CPXM2: variants seen among roughly 807,000 people sequenced by gnomAD.
CPXM2 encodes carboxypeptidase X, M14 family member 2, also known as inactive carboxypeptidase-like protein X2.
CPXM2 carries 66 observed loss-of-function variants against 86.1 expected under a neutral mutation model. That is an observed-to-expected ratio of 0.77 (90% CI 0.63 to 0.94). The LOEUF (loss-of-function observed/expected upper bound fraction) is 0.94, where lower values mean the gene tolerates loss of function less well. Ranked by LOEUF, CPXM2 falls within the 40% of genes least tolerant of loss-of-function variation. CPXM2 has a pLI of 0.00. For missense variants in CPXM2, 948 were observed against 1,026.3 expected, an observed-to-expected ratio of 0.92 and a Z score of 1.04; for synonymous variants, 388 against 400.2, an observed-to-expected ratio of 0.97 and a Z score of 0.36.
At chr10:123,839,960 C>A (rs760838661) in intron 4 of CPXM2, among the ~76,000 whole-genome samples, 3 of 152,204 alleles carry the variant, frequency 2.0e-5, no homozygotes, top group Non-Finnish European at 4.4e-5. Flanking sequence ...ACTGTCTGAG[C>A]TGAGGAAAGA....
intron 2 of CPXM2, among the ~76,000 whole-genome samples, chr10:123,871,141 T>C (rs1944889572): frequency 6.6e-6 from 1 of 152,184 alleles, no homozygotes; most frequent in Non-Finnish European, 1.5e-5. Context: ...CTGTTCTGTC[T>C]GAAAAGCCTC....
chr10:123,876,391 C>G (rs1257119194), intron 2 of CPXM2, among the ~76,000 whole-genome samples: 2 of 152,130 alleles, frequency 1.3e-5, no homozygotes, highest in African/African-American at 2.4e-5. Flanking sequence ...AACCAAAGAA[C>G]CGTGCACGGG....
intron 2 of CPXM2, among the ~76,000 whole-genome samples, chr10:123,872,185 T>C (rs1403027563): frequency 6.6e-6 from 1 of 152,156 alleles, no homozygotes; most frequent in Non-Finnish European, 1.5e-5. Flanking sequence ...CTTATAGGTA[T>C]ACATGCAAAA....
At chr10:123,867,519 A>ATTTC (rs1424525614) in intron 2 of CPXM2, among the ~76,000 whole-genome samples, 8 of 131,156 alleles carry the variant, frequency 6.1e-5, no homozygotes, top group Non-Finnish European at 1.3e-4. Flanking sequence ...CATCCTAGAG[A>ATTTC]TTTCTTTCTT....
rs1474354060 is a variant in CPXM2 at position 123,754,987 on chromosome 10, T to C, written c.1918-225A>G. 5.3e-5 allele frequency among the ~76,000 whole-genome samples: 8 copies of C among 152,372 alleles called. No homozygotes were observed. Among genetic ancestry groups the C allele is most frequent in the Non-Finnish European group, 1.0e-4 (7 of 68,046 alleles). On this transcript the variant is annotated intron_variant, in intron 12 of 13. Transcript: ENST00000241305. This position sits in a 1 kb window ranked among gnomAD's most constrained non-coding sequence, Gnocchi z 4.0. ...TCTTAATGTAAGAAAAGTGAACTTA[T>C]TTCTGAAGCTAGCATTAGGGAAGCA...
chr10:123,873,416 T>C (rs1047442614), intron 2 of CPXM2, among the ~76,000 whole-genome samples: 31 of 152,220 alleles, frequency 2.0e-4, no homozygotes, highest in Non-Finnish European at 4.4e-4. Flanking sequence ...GAAGTCAATG[T>C]TGTAAATGTG....
At chr10:123,868,521 A>G (rs1241981414) in intron 2 of CPXM2, among the ~76,000 whole-genome samples, 1 of 152,190 alleles carries the variant, frequency 6.6e-6, no homozygotes, top group Non-Finnish European at 1.5e-5. Context: ...GAGATGACCA[A>G]GAGTGATCAT....
chr10:123,826,246 C>T (rs1397423948), intron 4 of CPXM2, among the ~76,000 whole-genome samples: 1 of 152,108 alleles, frequency 6.6e-6, no homozygotes, highest in Non-Finnish European at 1.5e-5. Context: ...AGGAAGACAC[C>T]ACCTGGCAGG....
At chr10:123,749,009 C>G (rs748845503) in intron 13 of CPXM2, among the ~76,000 whole-genome samples, 1 of 152,228 alleles carries the variant, frequency 6.6e-6, no homozygotes, top group African/African-American at 2.4e-5. Context: ...CATTTATCCT[C>G]CTGGACTGAA....
intron 13 of CPXM2, among the ~76,000 whole-genome samples, chr10:123,749,654 T>C (rs1428935924): frequency 6.6e-6 from 1 of 152,242 alleles, no homozygotes; most frequent in Non-Finnish European, 1.5e-5. Flanking sequence ...TGCCTTGCAG[T>C]GGTGTCTCAG....
rs543778087 is a variant in CPXM2 at position 123,915,307 on chromosome 10, C to A, written n.174+24170G>T. On this transcript the variant is annotated intron_variant and non_coding_transcript_variant, in intron 2 of 19. Coordinates refer to the CPXM2 transcript ENST00000368854. Reference sequence around the variant, plus strand: ...GTGCGGTGGCTCATAGCTGTAATCCCAGCCCTTTGGGAGGCTGAGGCGGGG... The same window carrying A: ...GTGCGGTGGCTCATAGCTGTAATCCAAGCCCTTTGGGAGGCTGAGGCGGGG... Among the ~76,000 whole-genome samples, 3 of 152,292 alleles carry A rather than the reference C, an allele frequency of 2.0e-5. No homozygotes were observed. In the East Asian group the frequency reaches 5.8e-4, roughly 29 times the overall value.
Position 123,799,112 on chromosome 10 carries a change from C to A in CPXM2, c.738+3G>T, listed in dbSNP as rs769920836. The A allele has an allele frequency of 9.3e-6, 15 of 1,614,012 alleles. No individual in the cohort carries two copies. In the South Asian group the frequency reaches 1.4e-4, roughly 15 times the overall value. ...GCATGGTTAAATGGAGGATGAGACT[C>A]ACCATGTCTCCAGATCCATTCTTAA... On this transcript the variant is annotated splice_donor_region_variant and intron_variant, in intron 5 of 13. Transcript: ENST00000241305.
At chr10:123,821,404 T>TGCATTCCTGGAAGAGGC (rs1847921063) in intron 4 of CPXM2, among the ~76,000 whole-genome samples, 1 of 152,216 alleles carries the variant, frequency 6.6e-6, no homozygotes, top group South Asian at 2.1e-4. Flanking sequence ...CATACTATGT[T>TGCATTCCTGGAAGAGGC]TTACCCTAGT....
In CPXM2 at chr10:123,798,029, A is replaced by G. The variant is rs1247110502; in HGVS notation, c.836T>C (p.Phe279Ser). The change falls in exon 6 of 14, where the codon TTT becomes TCT. Residue 279 changes from phenylalanine (F) to serine (S), a missense_variant. Transcript: ENST00000241305. ...TCTCATGCAGATGCTCCCATTATCA[A>G]ACCAGGACTGAGGGTTTATGCGGAT... is the stretch of plus-strand genomic sequence containing the variant. ...RYIRINPQSW[F>S]DNGSICMRME... 1 of 1,611,648 alleles carries G rather than the reference A, an allele frequency of 6.2e-7. No homozygotes were observed. The highest frequency in any genetic ancestry group is 1.3e-5 in the African/African-American group (1 of 74,880).
intron 4 of CPXM2, among the ~76,000 whole-genome samples, chr10:123,833,372 T>A (rs1160000879): frequency 6.6e-6 from 1 of 152,178 alleles, no homozygotes; most frequent in Non-Finnish European, 1.5e-5. Context: ...GTCACAGGAA[T>A]GTTTTCATAA....
upstream of CPXM2, among the ~76,000 whole-genome samples, chr10:123,941,857 G>T (rs893710033): frequency 6.6e-6 from 1 of 152,218 alleles, no homozygotes; most frequent in Admixed American, 6.5e-5. Context: ...TCTGAGATGC[G>T]GATGAAGCAG....
At position 123,746,614 on chromosome 10, in the gene CPXM2, C is replaced by A; in HGVS notation, c.*150G>T. The A allele has an allele frequency of 1.4e-6, 1 of 727,094 alleles. No individual in the cohort carries two copies. The highest frequency in any genetic ancestry group is 2.3e-6 in the Non-Finnish European group (1 of 441,704). 45.0% of individuals were successfully genotyped at this position (727,094 alleles called of 1,614,324 possible). ...GAAAACAGCCTCAGCCTCCAGCCTT[C>A]CCTTTTGGGACCTGCCTCACAATGC... On this transcript the variant is annotated 3_prime_UTR_variant, in exon 14 of 14. Coordinates refer to ENST00000241305, the MANE Select transcript of CPXM2 (RefSeq NM_198148.3).
intron 4 of CPXM2, among the ~76,000 whole-genome samples, chr10:123,816,452 G>A (rs537643398): frequency 3.3e-5 from 5 of 152,308 alleles, no homozygotes; most frequent in South Asian, 2.1e-4. Flanking sequence ...AGAGATTAGC[G>A]CCGCCATCAA....
At chr10:123,893,094 A>C (rs1945300397), upstream of CPXM2, among the ~76,000 whole-genome samples, 1 of 152,124 alleles carries the variant, frequency 6.6e-6, no homozygotes, top group African/African-American at 2.4e-5. Flanking sequence ...GGCAAAGTCC[A>C]TTTTGCCATG....
Sources: gnomAD v4.1 joint callset for allele counts (sites outside exome capture counted in the v4.1 genomes callset) on GRCh38, gnomAD v4.1.1 for gene constraint, Gnocchi (gnomAD v3.1) non-coding constraint, MANE v1.5 for transcripts, NCBI Gene and HGNC (gene_info 2026-07-23, HGNC 2026-07-21) for gene names.